The following TACC2 variants were observed in gnomAD, a reference collection of about 807,000 sequenced individuals.
The protein encoded by TACC2 is transforming acidic coiled-coil-containing protein 2.
TACC2 carries 137 observed loss-of-function variants against 227.3 expected under a neutral mutation model. The ratio of observed to expected loss-of-function variants is 0.60; its 90% CI spans 0.52 to 0.69. The LOEUF is 0.69. Ranked by LOEUF, TACC2 falls within the 30% of genes least tolerant of loss-of-function variation. The probability of loss-of-function intolerance (pLI) is 0.00; values close to 1 mark genes in which losing one functional copy is unlikely to be tolerated. For synonymous variants in TACC2, 1,523 were observed against 1,487.5 expected (o/e 1.02, Z -0.55); for missense variants, 3,470 against 3,694.4 (o/e 0.94, Z 1.57).
chr10:122,010,937 A>AT lies in TACC2; in HGVS notation c.-45-10999dup, dbSNP rs759114789. ...GGTGGTTCTCTTGGTCTCAGCTGAGATCCCTCATGTGTCGGTGTTCAGCTG... is the reference window on the plus strand; with the variant it reads ...GGTGGTTCTCTTGGTCTCAGCTGAGATTCCCTCATGTGTCGGTGTTCAGCTG... On this transcript the variant is annotated intron_variant, in intron 1 of 22. Coordinates refer to ENST00000369005, the MANE Select transcript of TACC2 (RefSeq NM_206862.4). Among the ~76,000 whole-genome samples, 4 of 152,222 alleles carry AT rather than the reference A, an allele frequency of 2.6e-5. No homozygotes were observed. In the East Asian group the frequency reaches 7.7e-4, roughly 29 times the overall value.
In TACC2 at chr10:122,249,563, C is replaced by T; in HGVS notation, c.8680C>T (p.Gln2894Ter). 1 of 1,614,110 alleles carries T rather than the reference C, an allele frequency of 6.2e-7. No homozygotes were observed. Among genetic ancestry groups the T allele is most frequent in the Non-Finnish European group, 8.5e-7 (1 of 1,179,986 alleles). The part of the protein sequence containing the change: ...KLDRANAEIA[Q>*]VRGKAQQEQA... ...CCGCAGGGCCAATGCTGAGATTGCT[C>T]AGGTTCGAGGCAAGGCCCAGCAGGA... The change falls in exon 22 of 23, where the codon CAG becomes TAG. Residue 2894 changes from glutamine to a stop codon, truncating the protein, a stop_gained. Transcript: ENST00000369005. LOFTEE classifies it high-confidence loss of function.
intron 3 of TACC2, among the ~76,000 whole-genome samples, chr10:122,062,189 C>T (rs1323720527): frequency 2.0e-5 from 3 of 152,074 alleles, no homozygotes; most frequent in South Asian, 2.1e-4. Context: ...CCCGCCACCA[C>T]GCCTGGCTAA....
At chr10:122,057,195 CATAAAATAAAA>C (rs1183945334) in intron 3 of TACC2, among the ~76,000 whole-genome samples, 1 of 151,880 alleles carries the variant, frequency 6.6e-6, no homozygotes, top group Non-Finnish European at 1.5e-5. Context: ...CCGTCTCAAA[CATAAAATAAAA>C]ATAAAATAAA....
rs376432262 is a variant in TACC2 at position 122,132,066 on chromosome 10, A to AGGAAGGAAGGAAGGAAGG, written c.5574-543_5574-542insGGAAGGAAGGAAGGAAGG. On this transcript the variant is annotated intron_variant, in intron 5 of 22. Transcript: ENST00000369005. Reference sequence around the variant, plus strand: ...AAAGAAAGAAAGAAAGAAAGAAAGAAAAAGAAAGAAAGAAAGAGAAAGATC... The same window carrying AGGAAGGAAGGAAGGAAGG: ...AAAGAAAGAAAGAAAGAAAGAAAGAAGGAAGGAAGGAAGGAAGGAAAGAAAGAAAGAAAGAGAAAGATC... Among the ~76,000 whole-genome samples, 29 of 58,318 alleles carry AGGAAGGAAGGAAGGAAGG rather than the reference A, an allele frequency of 5.0e-4. No homozygotes were observed. In the East Asian group the frequency reaches 9.5e-3, roughly 19 times the overall value. 38.3% of individuals were successfully genotyped at this position (58,318 alleles called of 152,430 possible).
intron 5 of TACC2, among the ~76,000 whole-genome samples, chr10:122,108,447 T>C (rs1481684180): frequency 2.6e-4 from 37 of 143,262 alleles, no homozygotes; most frequent in South Asian, 1.6e-3. Flanking sequence ...ATTTTCTTTT[T>C]TTTTTTTTTT....
chr10:122,053,072 C>G (rs769685627), intron 3 of TACC2, among the ~76,000 whole-genome samples: 3 of 152,164 alleles, frequency 2.0e-5, no homozygotes, highest in Non-Finnish European at 2.9e-5. Context: ...TCCTTACCTG[C>G]CAGGCTGGTG....
At chr10:122,175,485 A>C (rs1015425269) in intron 7 of TACC2, among the ~76,000 whole-genome samples, 1 of 152,164 alleles carries the variant, frequency 6.6e-6, no homozygotes, top group African/African-American at 2.4e-5. Context: ...TCCAGAATGC[A>C]GTTTCTGTTC....
At chr10:121,993,756 T>A (rs1484703339) in intron 1 of TACC2, among the ~76,000 whole-genome samples, 1 of 152,078 alleles carries the variant, frequency 6.6e-6, no homozygotes, top group Admixed American at 6.6e-5. Context: ...ATCCCAAGTA[T>A]GTGGGACTAC....
intron 7 of TACC2, among the ~76,000 whole-genome samples, chr10:122,187,483 C>A (rs986744869): frequency 3.9e-5 from 6 of 152,166 alleles, no homozygotes; most frequent in Middle Eastern, 6.8e-3. Context: ...CCCCAAATTT[C>A]TTTTCTTTCT....
chr10:122,165,601 AT>A (rs2093114515), intron 7 of TACC2, among the ~76,000 whole-genome samples: 1 of 152,180 alleles, frequency 6.6e-6, no homozygotes, highest in Non-Finnish European at 1.5e-5. Flanking sequence ...TGGTGTTTAA[AT>A]AAAATTTCAG....
At chr10:122,038,548 T>TCGTTGA (rs1286948651) in intron 2 of TACC2, among the ~76,000 whole-genome samples, 1 of 152,084 alleles carries the variant, frequency 6.6e-6, no homozygotes, top group Non-Finnish European at 1.5e-5. Context: ...TCTAAGGTGG[T>TCGTTGA]CGTTGTCTTG....
chr10:122,168,106 T>C (rs1379733661), intron 7 of TACC2, among the ~76,000 whole-genome samples: 1 of 149,820 alleles, frequency 6.7e-6, no homozygotes. Context: ...GGCCTTGCTA[T>C]GTGGCCCAGG....
At chr10:122,245,694 C>T (rs2096095940) in intron 19 of TACC2, among the ~76,000 whole-genome samples, 1 of 152,094 alleles carries the variant, frequency 6.6e-6, no homozygotes, top group Non-Finnish European at 1.5e-5. Flanking sequence ...TGCTCTGATT[C>T]CAGGGGTCAC....
At chr10:122,123,231 C>T (rs1441371779) in intron 5 of TACC2, among the ~76,000 whole-genome samples, 2 of 152,122 alleles carry the variant, frequency 1.3e-5, no homozygotes, top group Admixed American at 6.5e-5. Flanking sequence ...TCTCGAACTC[C>T]TGGGCTGAAG....
In TACC2 at chr10:122,082,683, T is replaced by C; in HGVS notation, c.183T>C (p.Ala61=). ...GSVGLGGFCT[A]SESSASLDPC... is the part of the protein sequence containing the mutation. ...TTGGGCTTGGAGGCTTCTGCACCGC[T>C]TCTGAGAGTTCTGCCAGCCTGGATC... Residue 61 remains alanine (A), a synonymous_variant, in exon 4 of 23, where the codon GCT becomes GCC. Coordinates refer to ENST00000369005, the MANE Select transcript of TACC2 (RefSeq NM_206862.4). 1 of 1,613,892 alleles carries C rather than the reference T, an allele frequency of 6.2e-7. No homozygotes were observed. The highest frequency in any genetic ancestry group is 8.5e-7 in the Non-Finnish European group (1 of 1,179,938).
intron 11 of TACC2, among the ~76,000 whole-genome samples, chr10:122,222,036 C>T (rs1218154336): frequency 6.6e-6 from 1 of 152,192 alleles, no homozygotes; most frequent in African/African-American, 2.4e-5. Context: ...GACCCGTGAA[C>T]GATGACTGAG....
chr10:122,015,781 G>C (rs886642057), intron 1 of TACC2, among the ~76,000 whole-genome samples: 1 of 58,112 alleles, frequency 1.7e-5, no homozygotes, highest in African/African-American at 5.4e-5. Context: ...GAACCCGGGA[G>C]GGGGAGGTTG....
chr10:122,249,002 C>T (rs1350913671), intron 20 of TACC2, 48 bp from the exon 21 acceptor site: 2 of 1,560,246 alleles, frequency 1.3e-6, no homozygotes, highest in Non-Finnish European at 1.8e-6. Flanking sequence ...CAGTGCTGGG[C>T]ATTTGTTCTC....
intron 3 of TACC2, among the ~76,000 whole-genome samples, chr10:122,077,677 A>G (rs1334080527): frequency 6.6e-6 from 1 of 152,240 alleles, no homozygotes; most frequent in Non-Finnish European, 1.5e-5. Flanking sequence ...GAAGGGGGCC[A>G]GAGAGGATGG....
Sources: gnomAD v4.1 joint callset for allele counts (sites outside exome capture counted in the v4.1 genomes callset) on GRCh38, gnomAD v4.1.1 for gene constraint, MANE v1.5 for transcripts, NCBI Gene and HGNC (gene_info 2026-07-23, HGNC 2026-07-21) for gene names.